SHANK2: variants seen among roughly 807,000 people sequenced by gnomAD.
SHANK2 encodes the protein SH3 and multiple ankyrin repeat domains 2.
A neutral mutation model predicts 133.7 loss-of-function variants in SHANK2; 43 were observed. The ratio of observed to expected loss-of-function variants is 0.32; its 90% CI spans 0.25 to 0.41. The LOEUF is 0.41. Ranked by LOEUF, SHANK2 falls within the 10% of genes least tolerant of loss-of-function variation. The probability of loss-of-function intolerance (pLI) is 1.00; values close to 1 mark genes in which losing one functional copy is unlikely to be tolerated. For synonymous variants in SHANK2, 1,017 were observed against 952.8 expected (o/e 1.07, Z -1.24); for missense variants, 1,994 against 2,235.8 (o/e 0.89, Z 2.18).
intron 15 of SHANK2, among the ~76,000 whole-genome samples, chr11:70,689,222 A>G (rs782457710): frequency 3.3e-5 from 5 of 152,240 alleles, no homozygotes; most frequent in Non-Finnish European, 7.3e-5. Flanking sequence ...ATAATAACTT[A>G]CATAGACAGG....
chr11:70,484,660 G>A (rs960145125), intron 25 of SHANK2, among the ~76,000 whole-genome samples: 6 of 152,166 alleles, frequency 3.9e-5, no homozygotes, highest in East Asian at 1.9e-4. Flanking sequence ...CTTATTCTAC[G>A]TTCAGTTCCA....
chr11:70,862,874 A>G, intron 11 of SHANK2: 1 of 253,420 alleles, frequency 3.9e-6, no homozygotes, highest in Non-Finnish European at 7.8e-6. Flanking sequence ...GGAGGTAAGA[A>G]TTTGGGAGGA....
chr11:70,651,777 G>T (rs2061342302), intron 17 of SHANK2, among the ~76,000 whole-genome samples: 1 of 152,190 alleles, frequency 6.6e-6, no homozygotes, highest in Non-Finnish European at 1.5e-5. Context: ...ATGTGACCCT[G>T]GCTGAAGAAT....
intron 17 of SHANK2, among the ~76,000 whole-genome samples, chr11:70,532,867 G>T (rs11236569): frequency 6.6e-6 from 1 of 152,028 alleles, no homozygotes; most frequent in Non-Finnish European, 1.5e-5. Context: ...CAGTGTCTAC[G>T]GACAGAGGGA....
intron 17 of SHANK2, among the ~76,000 whole-genome samples, chr11:70,606,018 A>G (rs2060572044): frequency 6.6e-6 from 1 of 152,092 alleles, no homozygotes; most frequent in African/African-American, 2.4e-5. Flanking sequence ...AAAGATAACC[A>G]TCCGAGGGTC....
At chr11:70,821,012 C>A (rs1221597935) in intron 11 of SHANK2, among the ~76,000 whole-genome samples, 5 of 152,288 alleles carry the variant, frequency 3.3e-5, no homozygotes. Flanking sequence ...TAAGGACGGG[C>A]CACCCCATCA....
chr11:70,559,724 T>G (rs7106631), intron 17 of SHANK2, among the ~76,000 whole-genome samples: 119,519 of 151,914 alleles, frequency 0.79, 47,507 homozygotes, highest in Middle Eastern at 0.89. Flanking sequence ...CATCGTAACC[T>G]CTCCCCAAAA....
chr11:70,500,692 G>T lies in SHANK2; in HGVS notation c.2288-102C>A. 1 of 1,505,060 alleles carries T rather than the reference G, an allele frequency of 6.6e-7. No individual in the cohort carries two copies. Among genetic ancestry groups the T allele is most frequent in the South Asian group, 1.2e-5 (1 of 83,276 alleles). 93.2% of individuals were successfully genotyped at this position (1,505,060 alleles called of 1,614,324 possible). On this transcript the variant is annotated intron_variant, in intron 20 of 25. Transcript: ENST00000601538. The surrounding 1 kb of genome is among the most constrained non-coding windows in gnomAD (Gnocchi z 4.5). ...GCTCAGGGCGCCTCAGGAGCAGGCT[G>T]GGCCGGCAATGGGGCGGCAGGCAGG...
chr11:71,211,886 A>T (rs534270068), intron 2 of SHANK2, among the ~76,000 whole-genome samples: 4 of 152,248 alleles, frequency 2.6e-5, no homozygotes, highest in Admixed American at 2.6e-4. Flanking sequence ...ATGGTTCTTT[A>T]AGTTGCATGC....
In SHANK2 at chr11:70,948,304, T is replaced by C. The variant is rs1280797375; in HGVS notation, c.1108-51737A>G. The C allele has an allele frequency of 4.8e-5, 22 of 457,222 alleles. No individual in the cohort carries two copies. The East Asian group carries it at 1.5e-3, about 32-fold the overall frequency. The allele number at this position is 457,222 out of a possible 1,614,324, so 28.3% of individuals were successfully genotyped here. A position where few individuals can be genotyped will look rare whatever the true frequency, so the allele number is the denominator to read the frequency against. On this transcript the variant is annotated intron_variant, in intron 10 of 25. Coordinates refer to ENST00000601538, the MANE Select transcript of SHANK2 (RefSeq NM_012309.5). The stretch of plus-strand genomic sequence containing the variant: ...CTCTGCTTACTTGTTAATTATCTAA[T>C]GTGCACTTCCAGAGAGCAGAGTGTG...
At chr11:70,558,576 C>T (rs1226983811) in intron 17 of SHANK2, among the ~76,000 whole-genome samples, 1 of 152,208 alleles carries the variant, frequency 6.6e-6, no homozygotes, top group Non-Finnish European at 1.5e-5. Flanking sequence ...GTCTGTAACA[C>T]AGAGGCAAGA....
At chr11:70,644,100 C>A (rs1555007398) in intron 17 of SHANK2, among the ~76,000 whole-genome samples, 1 of 152,142 alleles carries the variant, frequency 6.6e-6, no homozygotes, top group African/African-American at 2.4e-5. Flanking sequence ...GAAAGCCCAA[C>A]TATTCAAAAG....
chr11:70,473,783 G>A lies in SHANK2; in HGVS notation c.4980-344C>T. 1 of 387,606 alleles carries A rather than the reference G, an allele frequency of 2.6e-6. No homozygotes were observed. Among genetic ancestry groups the A allele is most frequent in the African/African-American group, 2.1e-5 (1 of 48,458 alleles). The allele number at this position is 387,606 out of a possible 1,614,324, so 24.0% of individuals were successfully genotyped here. ...GGGGACCTGCCTGTGCTGGGGGGCAGGGCCGGGGGACCCTCGGGAGGGTGG... is the reference window on the plus strand; with the variant it reads ...GGGGACCTGCCTGTGCTGGGGGGCAAGGCCGGGGGACCCTCGGGAGGGTGG... On this transcript the variant is annotated intron_variant, in intron 25 of 25. Coordinates refer to ENST00000601538, the MANE Select transcript of SHANK2 (RefSeq NM_012309.5). This position sits in a 1 kb window ranked among gnomAD's most constrained non-coding sequence, Gnocchi z 5.9.
chr11:70,946,182 T>C (rs1359523543), intron 10 of SHANK2, among the ~76,000 whole-genome samples: 3 of 144,376 alleles, frequency 2.1e-5, no homozygotes, highest in Non-Finnish European at 4.5e-5. Flanking sequence ...TAACCAACCC[T>C]TCCCAGGCTC....
At chr11:70,658,294 C>G (rs1259068251) in intron 17 of SHANK2, among the ~76,000 whole-genome samples, 1 of 145,652 alleles carries the variant, frequency 6.9e-6, no homozygotes, top group Admixed American at 6.9e-5. Flanking sequence ...CACACACACA[C>G]ACACACACAC....
chr11:70,643,197 T>A, intron 17 of SHANK2, among the ~76,000 whole-genome samples: 1 of 152,182 alleles, frequency 6.6e-6, no homozygotes, highest in Non-Finnish European at 1.5e-5. Flanking sequence ...TTTCCAGAAC[T>A]TTTGCATAAC....
At chr11:71,058,632 G>A (rs1251623372) in intron 9 of SHANK2, among the ~76,000 whole-genome samples, 3 of 152,228 alleles carry the variant, frequency 2.0e-5, no homozygotes, top group Non-Finnish European at 4.4e-5. Context: ...ACAGGACTCA[G>A]GGCCTCAGCG....
intron 15 of SHANK2, chr11:70,668,459 C>T (rs1295657885): frequency 6.6e-6 from 1 of 152,362 alleles, no homozygotes; most frequent in Admixed American, 6.5e-5. Flanking sequence ...GGAAGACTCT[C>T]CCCTGGAGCC....
At chr11:71,197,090 A>C (rs1953920711) in intron 2 of SHANK2, among the ~76,000 whole-genome samples, 1 of 151,696 alleles carries the variant, frequency 6.6e-6, no homozygotes, top group Admixed American at 6.6e-5. Context: ...AGGGCTTGAG[A>C]CCTCACATGG....
Sources: allele counts gnomAD v4.1 joint callset (sites outside exome capture counted in the v4.1 genomes callset), GRCh38; gene constraint gnomAD v4.1.1; non-coding constraint Gnocchi (gnomAD v3.1); transcripts MANE v1.5; gene names NCBI Gene and HGNC (gene_info 2026-07-23, HGNC 2026-07-21).